ART1: variants seen among roughly 807,000 people sequenced by gnomAD.
The protein encoded by ART1 is GPI-linked NAD(P)(+)--arginine ADP-ribosyltransferase 1.
Under a neutral mutation model 27.0 loss-of-function variants are expected in ART1, and 29 were observed. The ratio of observed to expected loss-of-function variants is 1.08; its 90% confidence interval spans 0.80 to 1.47. The LOEUF is 1.47. Among genes scored for constraint, ART1 ranks in the 40% most tolerant of loss-of-function variants. ART1 has a pLI of 0.00. For missense variants in ART1, 480 were observed against 423.0 expected (o/e 1.13, Z -1.18); for synonymous variants, 201 against 172.2 (o/e 1.17, Z -1.31).
In ART1 at chr11:3,664,331, G is replaced by A. The variant is rs1564787508; in HGVS notation, c.*142G>A. On this transcript the variant is annotated 3_prime_UTR_variant, in exon 5 of 5. Transcript: ENST00000250693. ...ACCTTCTCTGGTAGCTGCCAGACCGGCTGGTGGAGAAACAGGAGACAATCT... is the reference window on the plus strand; with the variant it reads ...ACCTTCTCTGGTAGCTGCCAGACCGACTGGTGGAGAAACAGGAGACAATCT... 1.3e-6 allele frequency: 1 copy of A among 763,722 alleles called. No homozygotes were observed. Among genetic ancestry groups the A allele is most frequent in the East Asian group, 2.6e-5 (1 of 39,024 alleles). The allele number at this position is 763,722 out of a possible 1,614,324, so 47.3% of individuals were successfully genotyped here.
intron 1 of ART1, among the ~76,000 whole-genome samples, chr11:3,652,098 G>T (rs985532939): frequency 4.3e-4 from 65 of 151,144 alleles, no homozygotes; most frequent in African/African-American, 1.5e-3. Context: ...GATCATTCAG[G>T]CCCCCTCCCT....
At position 3,659,225 on chromosome 11, in the gene ART1, T is replaced by A. The variant is rs1212991772; in HGVS notation, c.12T>A (p.Pro4=). ...CCAGGGTCACCAGCATGCAGATGCC[T>A]GCTATGATGTCTCTGCTTCTTGTGT... The part of the protein sequence containing the change: MQM[P]AMMSLLLVSV... Residue 4 remains proline, a synonymous_variant, in exon 2 of 5, where the codon CCT becomes CCA. Coordinates refer to ENST00000250693, the MANE Select transcript of ART1 (RefSeq NM_004314.3). 1 of 1,614,208 alleles carries A rather than the reference T, an allele frequency of 6.2e-7. No individual in the cohort carries two copies. The highest frequency in any genetic ancestry group is 1.1e-5 in the South Asian group (1 of 91,086).
chr11:3,662,707 G>C (rs1380241058), intron 4 of ART1, among the ~76,000 whole-genome samples: 1 of 152,190 alleles, frequency 6.6e-6, no homozygotes, highest in Non-Finnish European at 1.5e-5. Context: ...AGCCGGGCGT[G>C]GTGGCGCATG....
rs1554883269 is a variant in ART1, at chr11:3,663,124, C to CTCATCTCATT, written c.887-959_887-958insTTCATCTCAT. Among the ~76,000 whole-genome samples, 207 of 147,470 alleles carry CTCATCTCATT rather than the reference C, an allele frequency of 1.4e-3. 3 individuals are homozygous for CTCATCTCATT. The highest frequency in any genetic ancestry group is 4.9e-3 in the African/African-American group (190 of 38,910). On this transcript the variant is annotated intron_variant, in intron 4 of 4. Transcript: ENST00000250693. ...CTCATCTCATCTCATCTCATCTCAT[C>CTCATCTCATT]TCATCTCATCTCATCTCATCATCAT...
chr11:3,651,053 A>G (rs1253149279), intron 1 of ART1, among the ~76,000 whole-genome samples: 1 of 152,136 alleles, frequency 6.6e-6, no homozygotes, highest in African/African-American at 2.4e-5. Flanking sequence ...AAAACCAGAC[A>G]AGGCTTACAG....
At chr11:3,648,935 C>T (rs1490624002) in intron 1 of ART1, among the ~76,000 whole-genome samples, 1 of 151,898 alleles carries the variant, frequency 6.6e-6, no homozygotes, top group Non-Finnish European at 1.5e-5. Context: ...CTTATTTCCA[C>T]ACCCCAACCT....
chr11:3,663,706 C>T (rs1315451166), intron 4 of ART1: 2 of 167,264 alleles, frequency 1.2e-5, no homozygotes, highest in Non-Finnish European at 2.6e-5. Context: ...CCTCCCACCT[C>T]AGCCTCCCAA....
Position 3,659,695 on chromosome 11 carries a change from C to T in ART1, c.176C>T (p.Ala59Val). The T allele has an allele frequency of 6.2e-7, 1 of 1,614,002 alleles. No homozygotes were observed. Among genetic ancestry groups the T allele is most frequent in the Non-Finnish European group, 8.5e-7 (1 of 1,179,998 alleles). Residue 59 changes from alanine (A) to valine (V), a missense_variant, in exon 3 of 5, where the codon GCT becomes GTT. Transcript: ENST00000250693. ...GCTGGCTGTGCTGCTGCCATGACAGCTGCTCTCCCGGATCTCAACCACACG... is the reference window on the plus strand; with the variant it reads ...GCTGGCTGTGCTGCTGCCATGACAGTTGCTCTCCCGGATCTCAACCACACG... The part of the protein sequence containing the change: ...QYAGCAAAMT[A>V]ALPDLNHTEF...
intron 1 of ART1, among the ~76,000 whole-genome samples, chr11:3,651,327 A>T (rs1437935409): frequency 3.3e-5 from 5 of 150,990 alleles, no homozygotes; most frequent in African/African-American, 1.2e-4. Context: ...AGCCCCCATT[A>T]CTTCAGTCAA....
At chr11:3,653,646 C>G (rs1424580958) in intron 1 of ART1, among the ~76,000 whole-genome samples, 2 of 152,130 alleles carry the variant, frequency 1.3e-5, no homozygotes, top group African/African-American at 4.8e-5. Flanking sequence ...AAAAGAGGAG[C>G]TTCGTATTTT....
intron 3 of ART1, among the ~76,000 whole-genome samples, chr11:3,660,964 G>A (rs1378558660): frequency 6.6e-6 from 1 of 152,194 alleles, no homozygotes; most frequent in Non-Finnish European, 1.5e-5. Context: ...ATGGGCCCAG[G>A]TTCTTAATTT....
At chr11:3,655,311 A>T (rs1343967035) in intron 1 of ART1, among the ~76,000 whole-genome samples, 2 of 128,592 alleles carry the variant, frequency 1.6e-5, no homozygotes, top group South Asian at 2.3e-4. Flanking sequence ...AATACAAGTC[A>T]GGGAGCGGCA....
intron 1 of ART1, among the ~76,000 whole-genome samples, chr11:3,656,001 C>G (rs995658850): frequency 6.8e-5 from 10 of 146,630 alleles, no homozygotes; most frequent in Non-Finnish European, 1.3e-4. Context: ...GGTGCGATCT[C>G]GGGTCACTGC....
rs2077641037 is a variant in ART1 at position 3,663,888 on chromosome 11, TA to T, written c.887-202del. ...TGACACTGGTGTTAATAAGTTCTGATAACCCATTACCATTGGACCAGCTCCT... is the reference window on the plus strand; with the variant it reads ...TGACACTGGTGTTAATAAGTTCTGATACCCATTACCATTGGACCAGCTCCT... On this transcript the variant is annotated intron_variant, in intron 4 of 4. Coordinates refer to ENST00000250693, the MANE Select transcript of ART1 (RefSeq NM_004314.3). The T allele has an allele frequency of 7.3e-6, 4 of 549,078 alleles. No homozygotes were observed. The Admixed American group carries it at 1.3e-4, about 18-fold the overall frequency. The allele number at this position is 549,078 out of a possible 1,614,324, so 34.0% of individuals were successfully genotyped here. A position where few individuals can be genotyped will look rare whatever the true frequency, so the allele number is the denominator to read the frequency against.
intron 1 of ART1, among the ~76,000 whole-genome samples, chr11:3,646,359 G>T (rs1482980242): frequency 1.3e-5 from 2 of 152,080 alleles, no homozygotes; most frequent in Non-Finnish European, 2.9e-5. Flanking sequence ...ATCTCACCCA[G>T]CATTAGTTGG....
chr11:3,646,486 C>T (rs2077470637), intron 1 of ART1, among the ~76,000 whole-genome samples: 1 of 152,164 alleles, frequency 6.6e-6, no homozygotes, highest in African/African-American at 2.4e-5. Flanking sequence ...GGCAAATTAA[C>T]AGGAGCCACC....
chr11:3,659,704 C>T lies in ART1; in HGVS notation c.185C>T (p.Pro62Leu), dbSNP rs749791342. 98 of 1,613,816 alleles carry T rather than the reference C, an allele frequency of 6.1e-5. 1 individual carries two copies. The highest frequency in any genetic ancestry group is 1.9e-4 in the South Asian group (17 of 91,078). Residue 62 changes from proline to leucine, a missense_variant, in exon 3 of 5, where the codon CCG (proline) becomes CTG (leucine). By Grantham distance (98) the Pro-to-Leu change is moderately conservative. Transcript: ENST00000250693. ...GCTGCTGCCATGACAGCTGCTCTCC[C>T]GGATCTCAACCACACGGAGTTCCAG... ...GCAAAMTAALPDLNHTEFQAN... is the reference protein window; with the variant it reads ...GCAAAMTAALLDLNHTEFQAN...
chr11:3,649,568 C>A (rs564687682), intron 1 of ART1, among the ~76,000 whole-genome samples: 1 of 152,290 alleles, frequency 6.6e-6, no homozygotes, highest in South Asian at 2.1e-4. Flanking sequence ...GACGTCTCCC[C>A]TCCTCCCCAG....
At chr11:3,651,801 A>G (rs1004117291) in intron 1 of ART1, among the ~76,000 whole-genome samples, 6 of 151,428 alleles carry the variant, frequency 4.0e-5, no homozygotes, top group African/African-American at 9.8e-5. Flanking sequence ...CTCCCACATT[A>G]TTCCTGATAC....
Sources: gnomAD v4.1 joint callset for allele counts (sites outside exome capture counted in the v4.1 genomes callset) on GRCh38, gnomAD v4.1.1 for gene constraint, MANE v1.5 for transcripts, NCBI Gene and HGNC (gene_info 2026-07-23, HGNC 2026-07-21) for gene names.